Variants in EPHX2 observed in about 807,000 individuals in gnomAD.
EPHX2 encodes epoxide hydrolase 2, also known as bifunctional epoxide hydrolase 2.
In EPHX2, 74 loss-of-function variants were observed where a neutral mutation model predicts 78.7. The observed-to-expected ratio is 0.94, with a 90% CI of 0.78 to 1.14. EPHX2 has a LOEUF of 1.14. EPHX2 is among the 50% of genes most tolerant of loss of function. The pLI, the probability that EPHX2 is intolerant of heterozygous loss-of-function variation, is 0.00. For synonymous variants in EPHX2, 251 were observed against 255.2 expected (o/e 0.98, Z 0.16); for missense variants, 715 against 702.5 (o/e 1.02, Z -0.20).
chr8:27,519,125 A>G (rs571869110), intron 9 of EPHX2, among the ~76,000 whole-genome samples: 1 of 152,346 alleles, frequency 6.6e-6, no homozygotes, highest in East Asian at 1.9e-4. Flanking sequence ...TATTTACCCA[A>G]GAAAATCGAT....
At chr8:27,502,972 C>T (rs73227325) in intron 2 of EPHX2, among the ~76,000 whole-genome samples, 17,622 of 151,984 alleles carry the variant, frequency 0.12, 1,082 homozygotes, top group African/African-American at 0.17. Context: ...TGTTTGTGCC[C>T]CCCGCCCAAA....
intron 12 of EPHX2, among the ~76,000 whole-genome samples, chr8:27,534,652 A>G (rs1815153594): frequency 6.9e-6 from 1 of 144,714 alleles, no homozygotes; most frequent in African/African-American, 2.8e-5. Flanking sequence ...TAAAAAAAAT[A>G]AAAATAAAAA....
At position 27,540,566 on chromosome 8, in the gene EPHX2, T is replaced by C; in HGVS notation, c.1289T>C (p.Val430Ala). 1 of 1,614,052 alleles carries C rather than the reference T, an allele frequency of 6.2e-7. No homozygotes were observed. Among genetic ancestry groups the C allele is most frequent in the Non-Finnish European group, 8.5e-7 (1 of 1,179,982 alleles). The change falls in exon 15 of 19, where the codon GTA becomes GCA. Residue 430 changes from valine to alanine, a missense_variant. Physicochemically the swap from Val to Ala is moderately conservative, Grantham distance 64. Coordinates refer to ENST00000521400, the MANE Select transcript of EPHX2 (RefSeq NM_001979.6). ...HKVCEAGGLF[V>A]NSPEEPSLSR... ...GCTTTTTTTGCAGGAGGACTTTTTG[T>C]AAATAGCCCAGAAGAGCCCAGCCTC...
rs1408228666 is a variant in EPHX2, at chr8:27,544,171, G to A, written c.1531-15G>A. 3 of 1,614,132 alleles carry A rather than the reference G, an allele frequency of 1.9e-6. No homozygotes were observed. Among genetic ancestry groups the A allele is most frequent in the Admixed American group, 1.7e-5 (1 of 60,026 alleles). ...CCTTCTTCCATTTACCTTTCTGCCT[G>A]GGGTTTCCTTTCAGATTCCCCACCT... On this transcript the variant is annotated splice_polypyrimidine_tract_variant and intron_variant, in intron 17 of 18. Coordinates refer to ENST00000521400, the MANE Select transcript of EPHX2 (RefSeq NM_001979.6).
chr8:27,542,305 A>G (rs1457761537), intron 16 of EPHX2, among the ~76,000 whole-genome samples: 1 of 152,162 alleles, frequency 6.6e-6, no homozygotes, highest in Non-Finnish European at 1.5e-5. Context: ...AGAGCAGGCT[A>G]GGAAGCACAT....
intron 12 of EPHX2, among the ~76,000 whole-genome samples, chr8:27,531,235 C>A (rs1173527437): frequency 6.6e-6 from 1 of 152,150 alleles, no homozygotes; most frequent in East Asian, 1.9e-4. Context: ...CACTTAAGGC[C>A]CCTGACCTGA....
intron 5 of EPHX2, among the ~76,000 whole-genome samples, chr8:27,509,892 AC>A (rs1383651076): frequency 6.6e-6 from 1 of 151,864 alleles, no homozygotes; most frequent in Non-Finnish European, 1.5e-5. Context: ...CACTTTTCCC[AC>A]CCCCAAAAGC....
At chr8:27,495,090 C>T (rs748950688) in intron 1 of EPHX2, among the ~76,000 whole-genome samples, 2 of 152,248 alleles carry the variant, frequency 1.3e-5, no homozygotes, top group South Asian at 2.1e-4. Context: ...AGACTGCCAC[C>T]TCTTTGGGTT....
chr8:27,521,164 G>A (rs538245629), intron 10 of EPHX2, among the ~76,000 whole-genome samples: 110 of 152,312 alleles, frequency 7.2e-4, no homozygotes, highest in African/African-American at 2.5e-3. Context: ...ATGGGACCAG[G>A]GAGGACAGCC....
downstream of EPHX2, among the ~76,000 whole-genome samples, chr8:27,547,806 G>C (rs1344548300): frequency 6.6e-6 from 1 of 152,036 alleles, no homozygotes; most frequent in Non-Finnish European, 1.5e-5. Context: ...AACATGTGGT[G>C]TTTCACTTTC....
intron 13 of EPHX2, 33 bp from the exon 14 acceptor site, chr8:27,538,626 A>G (rs1307677381): frequency 1.9e-6 from 3 of 1,597,018 alleles, no homozygotes; most frequent in African/African-American, 2.7e-5. Context: ...CACCCATGAC[A>G]TCATTTGTAA....
At chr8:27,514,945 G>A (rs1036350000) in intron 6 of EPHX2, among the ~76,000 whole-genome samples, 1 of 152,144 alleles carries the variant, frequency 6.6e-6, no homozygotes, top group South Asian at 2.1e-4. Context: ...AGCTTGAACA[G>A]ATTTCATATT....
intron 3 of EPHX2, 26 bp from the exon 4 acceptor site, chr8:27,504,930 C>A: frequency 8.7e-6 from 14 of 1,612,328 alleles, no homozygotes; most frequent in South Asian, 2.2e-5. Context: ...TGTAGCTGGT[C>A]TATCTACTGG....
At chr8:27,531,116 C>T (rs1815025612) in intron 12 of EPHX2, among the ~76,000 whole-genome samples, 1 of 152,166 alleles carries the variant, frequency 6.6e-6, no homozygotes, top group Non-Finnish European at 1.5e-5. Context: ...GGGTTATTTT[C>T]ATTGTCTTAA....
At position 27,544,459 on chromosome 8, in the gene EPHX2, T is replaced by A. The variant is rs769936995; in HGVS notation, c.1605T>A (p.Asn535Lys). The A allele has an allele frequency of 6.2e-7, 1 of 1,614,100 alleles. No homozygotes were observed. Among genetic ancestry groups the A allele is most frequent in the Admixed American group, 1.7e-5 (1 of 60,020 alleles). ...TTTCCCCCAGGCCAACCGAGGTGAA[T>A]CAGATCCTCATTAAGTGGCTGGATT... ...WTQMDKPTEV[N>K]QILIKWLDSD... The change falls in exon 19 of 19, where the codon AAT (asparagine) becomes AAA (lysine). Residue 535 changes from asparagine (N) to lysine (K), a missense_variant. By Grantham distance (94) the Asn-to-Lys change is moderately conservative. Coordinates refer to ENST00000521400, the MANE Select transcript of EPHX2 (RefSeq NM_001979.6).
At chr8:27,530,343 G>T (rs1189057745) in intron 12 of EPHX2, among the ~76,000 whole-genome samples, 1 of 152,166 alleles carries the variant, frequency 6.6e-6, no homozygotes, top group Non-Finnish European at 1.5e-5. Context: ...CCTGTGTTGT[G>T]TAAAGTAAAA....
intron 12 of EPHX2, among the ~76,000 whole-genome samples, chr8:27,530,419 A>G (rs1255838733): frequency 1.3e-5 from 2 of 152,248 alleles, no homozygotes; most frequent in African/African-American, 2.4e-5. Flanking sequence ...GGTATTTCCC[A>G]GACATTTTTT....
intron 17 of EPHX2, 34 bp from the exon 18 acceptor site, chr8:27,544,152 T>C (rs776064914): frequency 6.2e-7 from 1 of 1,613,470 alleles, no homozygotes; most frequent in Admixed American, 1.7e-5. Flanking sequence ...TCTGCCTTCT[T>C]CCATTTACCT....
intron 8 of EPHX2, 57 bp from the exon 9 acceptor site, chr8:27,517,980 GT>G: frequency 7.3e-7 from 1 of 1,377,218 alleles, no homozygotes. Flanking sequence ...TCCTTTTGAT[GT>G]GTTGATATAT....
Sources: allele counts gnomAD v4.1 joint callset (sites outside exome capture counted in the v4.1 genomes callset), GRCh38; gene constraint gnomAD v4.1.1; transcripts MANE v1.5; gene names NCBI Gene and HGNC (gene_info 2026-07-23, HGNC 2026-07-21).